Variants in SBF2 observed in about 807,000 individuals in gnomAD.
The protein encoded by SBF2 is myotubularin-related protein 13.
Under a neutral mutation model 225.2 loss-of-function variants are expected in SBF2, and 112 were observed. The ratio of observed to expected loss-of-function variants is 0.50; its 90% CI spans 0.43 to 0.58. SBF2 has a LOEUF of 0.58. Ranked by LOEUF, SBF2 falls within the 20% of genes least tolerant of loss-of-function variation. The probability of loss-of-function intolerance (pLI) is 0.00; values close to 1 mark genes in which losing one functional copy is unlikely to be tolerated. For missense variants in SBF2, 1,996 were observed against 2,206.2 expected (o/e 0.90, Z 1.91); for synonymous variants, 763 against 773.3 (o/e 0.99, Z 0.22).
At chr11:9,821,275 T>C (rs777536643) in intron 28 of SBF2, among the ~76,000 whole-genome samples, 28 of 152,184 alleles carry the variant, frequency 1.8e-4, no homozygotes, top group Admixed American at 5.2e-4. Context: ...AACCAATACA[T>C]TGTGAGCTGT....
chr11:10,113,670 G>A (rs952851955), intron 2 of SBF2, among the ~76,000 whole-genome samples: 1 of 151,934 alleles, frequency 6.6e-6, no homozygotes, highest in Non-Finnish European at 1.5e-5. Context: ...CATACATTAG[G>A]TAGAGATGTG....
At chr11:9,978,099 T>TA (rs988718758) in intron 13 of SBF2, among the ~76,000 whole-genome samples, 9 of 152,136 alleles carry the variant, frequency 5.9e-5, no homozygotes, top group African/African-American at 7.2e-5. Context: ...GAAATGTGAT[T>TA]AAAAAAACAA....
chr11:9,839,661 G>C lies in SBF2; in HGVS notation c.3292C>G (p.Leu1098Val), dbSNP rs117957652. The C allele has an allele frequency of 0.022, 35,748 of 1,614,040 alleles. 476 individuals carry two copies. Among genetic ancestry groups the C allele is most frequent in the Middle Eastern group, 0.028 (171 of 6,062 alleles). ...ATTGTAGACTTCTCGGAGGCCTTCA[G>C]GGTGGTACTTGTGGGGAGCTCACTC... ...DESELPTSTT[L>V]KASEKSTMEQ... Residue 1098 changes from leucine to valine, a missense_variant, in exon 26 of 40, where the codon CTG becomes GTG. Leu to Val is a conservative substitution (Grantham distance 32). Coordinates refer to ENST00000256190, the MANE Select transcript of SBF2 (RefSeq NM_030962.4).
chr11:9,922,714 A>G (rs1317116970), intron 16 of SBF2, among the ~76,000 whole-genome samples: 2 of 151,944 alleles, frequency 1.3e-5, no homozygotes. Flanking sequence ...GAGCACCCCC[A>G]TTTTTCTGAG....
intron 16 of SBF2, among the ~76,000 whole-genome samples, chr11:9,920,863 C>T (rs1288384103): frequency 3.9e-5 from 6 of 152,026 alleles, no homozygotes; most frequent in Admixed American, 3.9e-4. Flanking sequence ...CTTTCTAATG[C>T]CCTGGTGTTC....
intron 2 of SBF2, among the ~76,000 whole-genome samples, chr11:10,111,363 G>A (rs989683236): frequency 1.5e-4 from 23 of 152,096 alleles, no homozygotes; most frequent in East Asian, 1.9e-4. Flanking sequence ...CGAAGTAGTC[G>A]GCAAGAATAT....
chr11:10,080,461 G>T (rs563485429), intron 2 of SBF2, among the ~76,000 whole-genome samples: 2 of 151,466 alleles, frequency 1.3e-5, no homozygotes, highest in African/African-American at 4.8e-5. Flanking sequence ...AAAACTCACA[G>T]GTCTTATAAA....
intron 1 of SBF2, among the ~76,000 whole-genome samples, chr11:10,274,054 T>C (rs1391238752): frequency 1.3e-5 from 2 of 152,240 alleles, no homozygotes; most frequent in Non-Finnish European, 2.9e-5. Flanking sequence ...ATTTTTAACC[T>C]TTAGAAAAGT....
At position 9,793,064 on chromosome 11, in the gene SBF2, C is replaced by T. The variant is rs538086288; in HGVS notation, c.4571-2381G>A. ...AAGTGCTAGGATTATAGGTGTGAGC[C>T]GTTGCACCCAGCCTGTGTTTATGAG... On this transcript the variant is annotated intron_variant, in intron 33 of 39. Transcript: ENST00000256190. Among the ~76,000 whole-genome samples, 4 of 151,652 alleles carry T rather than the reference C, an allele frequency of 2.6e-5. No individual in the cohort carries two copies. In the South Asian group the frequency reaches 8.3e-4, roughly 32 times the overall value.
At chr11:9,829,554 A>G in intron 27 of SBF2, 58 bp from the exon 28 acceptor site, 3 of 1,207,218 alleles carry the variant, frequency 2.5e-6, no homozygotes, top group African/African-American at 1.5e-5. Flanking sequence ...CAAAACAAGT[A>G]TCTATCTATC....
chr11:10,141,063 T>C (rs1053630708), intron 2 of SBF2, among the ~76,000 whole-genome samples: 2 of 152,166 alleles, frequency 1.3e-5, no homozygotes, highest in Non-Finnish European at 2.9e-5. Context: ...CAGAGATGCA[T>C]ATATCCTTAC....
At chr11:9,883,105 G>A (rs1430641687) in intron 17 of SBF2, among the ~76,000 whole-genome samples, 1 of 152,066 alleles carries the variant, frequency 6.6e-6, no homozygotes, top group African/African-American at 2.4e-5. Context: ...CTGCACTCCA[G>A]TCTGGGCGAC....
At chr11:10,130,088 C>T (rs188197249) in intron 2 of SBF2, among the ~76,000 whole-genome samples, 24 of 152,194 alleles carry the variant, frequency 1.6e-4, no homozygotes, top group African/African-American at 5.8e-4. Flanking sequence ...CCTCGCCAGG[C>T]GCAGTGGCTC....
intron 17 of SBF2, among the ~76,000 whole-genome samples, chr11:9,862,165 A>G (rs958758678): frequency 8.5e-5 from 13 of 152,144 alleles, no homozygotes; most frequent in African/African-American, 2.7e-4. Context: ...ACCCCCAAAT[A>G]CTTAAAATAT....
At chr11:9,909,690 T>C (rs1399171022) in intron 16 of SBF2, among the ~76,000 whole-genome samples, 2 of 144,632 alleles carry the variant, frequency 1.4e-5, no homozygotes, top group African/African-American at 5.1e-5. Context: ...AAAAAAAAGA[T>C]ACCCTGACGA....
intron 24 of SBF2, among the ~76,000 whole-genome samples, chr11:9,844,521 A>G (rs1856402538): frequency 6.6e-6 from 1 of 152,224 alleles, no homozygotes; most frequent in Admixed American, 6.5e-5. Context: ...AACTTTCAAC[A>G]TAAATTTCTA....
At chr11:9,900,605 C>T (rs1047718630) in intron 16 of SBF2, among the ~76,000 whole-genome samples, 99 of 152,244 alleles carry the variant, frequency 6.5e-4, no homozygotes, top group African/African-American at 2.3e-3. Flanking sequence ...GTGAGCTCAC[C>T]ATTGCTCCAT....
intron 16 of SBF2, among the ~76,000 whole-genome samples, chr11:9,955,165 G>T (rs990611991): frequency 1.3e-5 from 2 of 151,962 alleles, no homozygotes; most frequent in Non-Finnish European, 2.9e-5. Context: ...GTAGTTATAT[G>T]TGTATGTTTC....
At chr11:10,025,648 G>A (rs959805495) in intron 6 of SBF2, among the ~76,000 whole-genome samples, 34 of 152,116 alleles carry the variant, frequency 2.2e-4, no homozygotes, top group Non-Finnish European at 2.9e-5. Flanking sequence ...CGCCCAGGCT[G>A]GAGTGAAGTG....
Sources: allele counts gnomAD v4.1 joint callset (sites outside exome capture counted in the v4.1 genomes callset), GRCh38; gene constraint gnomAD v4.1.1; transcripts MANE v1.5; gene names NCBI Gene and HGNC (gene_info 2026-07-23, HGNC 2026-07-21).